The following ADAMTSL3 variants were observed in gnomAD, a reference collection of about 807,000 sequenced individuals.
ADAMTSL3 encodes the protein ADAMTS-like protein 3.
In ADAMTSL3, 128 loss-of-function variants were observed where a neutral mutation model predicts 201.7. The observed-to-expected ratio is 0.63, with a 90% CI of 0.55 to 0.73. ADAMTSL3 has a LOEUF of 0.73. Ranked by LOEUF, ADAMTSL3 falls within the 30% of genes least tolerant of loss-of-function variation. The pLI, the probability that ADAMTSL3 is intolerant of heterozygous loss-of-function variation, is 0.00. For missense variants in ADAMTSL3, 1,990 were observed against 2,119.6 expected, an observed-to-expected ratio of 0.94 and a Z score of 1.20; for synonymous variants, 738 against 748.4, an observed-to-expected ratio of 0.99 and a Z score of 0.23.
intron 21 of ADAMTSL3, among the ~76,000 whole-genome samples, chr15:83,984,456 T>G (rs1296320479): frequency 6.6e-6 from 1 of 152,206 alleles, no homozygotes; most frequent in Non-Finnish European, 1.5e-5. Flanking sequence ...ATGCTAGAAC[T>G]ATGAACACAA....
At chr15:83,723,563 A>T (rs964186332) in intron 3 of ADAMTSL3, among the ~76,000 whole-genome samples, 1 of 152,192 alleles carries the variant, frequency 6.6e-6, no homozygotes, top group Non-Finnish European at 1.5e-5. Context: ...ACCGTAGGGG[A>T]ATGGCCAAGT....
intron 4 of ADAMTSL3, among the ~76,000 whole-genome samples, chr15:83,800,116 G>A (rs570962087): frequency 6.7e-6 from 1 of 148,570 alleles, no homozygotes; most frequent in African/African-American, 2.6e-5. Flanking sequence ...AGGTGGTTGG[G>A]TTTAAAAATA....
At chr15:83,682,440 C>T (rs998004963) in intron 2 of ADAMTSL3, among the ~76,000 whole-genome samples, 19 of 152,280 alleles carry the variant, frequency 1.2e-4, no homozygotes, top group Non-Finnish European at 2.2e-4. Context: ...CTTTCTCTGT[C>T]GTATGTCACT....
intron 3 of ADAMTSL3, among the ~76,000 whole-genome samples, chr15:83,767,412 C>G (rs564931268): frequency 6.6e-6 from 1 of 152,232 alleles, no homozygotes; most frequent in Non-Finnish European, 1.5e-5. Context: ...TAACAACTTA[C>G]CATATAAAAT....
rs1276155287 is a variant in ADAMTSL3, at chr15:84,036,971, T to C, written c.4953T>C (p.Leu1651=). Reference sequence around the variant, plus strand: ...AACCAATTTCCTGGCGGCACTGTCTTGGGCCCTCCTGTGATAGTACGTACA... The same window carrying C: ...AACCAATTTCCTGGCGGCACTGTCTCGGGCCCTCCTGTGATAGTACGTACA... The part of the protein sequence containing the change: ...KKKPISWRHC[L]GPSCDRDCTD... Residue 1651 remains leucine (L), a synonymous_variant, in exon 29 of 30, where the codon CTT becomes CTC. Coordinates refer to ENST00000286744, the MANE Select transcript of ADAMTSL3 (RefSeq NM_207517.3). 1.2e-6 allele frequency: 2 copies of C among 1,613,888 alleles called. No homozygotes were observed. The highest frequency in any genetic ancestry group is 1.3e-5 in the African/African-American group (1 of 74,908).
chr15:83,718,593 C>T (rs1365743078), intron 3 of ADAMTSL3, among the ~76,000 whole-genome samples: 2 of 151,202 alleles, frequency 1.3e-5, no homozygotes, highest in African/African-American at 2.4e-5. Context: ...ATAATCCCAG[C>T]TACACAAGAA....
At position 83,872,627 on chromosome 15, in the gene ADAMTSL3, C is replaced by CACACACACAGAGAG. The variant is rs6145659; in HGVS notation, c.960+1669_960+1670insCACACACAGAGAGA. On this transcript the variant is annotated intron_variant, in intron 9 of 29. Transcript: ENST00000286744. Reference sequence around the variant, plus strand: ...ACACACACACACACACACACACACACAGAGTTTTTGTTCTCTTTTAATTAC... The same window carrying CACACACACAGAGAG: ...ACACACACACACACACACACACACACACACACACAGAGAGAGAGTTTTTGTTCTCTTTTAATTAC... 5.5e-3 allele frequency among the ~76,000 whole-genome samples: 770 copies of CACACACACAGAGAG among 140,940 alleles called. 5 individuals carry two copies. Among genetic ancestry groups the CACACACACAGAGAG allele is most frequent in the African/African-American group, 0.011 (410 of 35,966 alleles). The allele number at this position is 140,940 out of a possible 152,430, so 92.5% of individuals were successfully genotyped here.
chr15:83,804,142 CA>C (rs34434157), intron 4 of ADAMTSL3, among the ~76,000 whole-genome samples: 49,006 of 147,744 alleles, frequency 0.33, 8,289 homozygotes, highest in East Asian at 0.5. Context: ...GACTCTGTCT[CA>C]AAAAAAAAAG....
intron 13 of ADAMTSL3, 31 bp downstream of exon 13, chr15:83,892,919 A>G: frequency 6.3e-7 from 1 of 1,587,662 alleles, no homozygotes; most frequent in Non-Finnish European, 8.6e-7. Flanking sequence ...ACTTTTAATT[A>G]ATTCTCATAT....
intron 3 of ADAMTSL3, among the ~76,000 whole-genome samples, chr15:83,724,239 C>G (rs2062140923): frequency 6.6e-6 from 1 of 151,954 alleles, no homozygotes; most frequent in Non-Finnish European, 1.5e-5. Context: ...GCTGGGATTA[C>G]AGGCACACAC....
intron 9 of ADAMTSL3, among the ~76,000 whole-genome samples, chr15:83,873,088 T>A (rs2141833929): frequency 6.9e-6 from 1 of 145,160 alleles, no homozygotes; most frequent in South Asian, 2.1e-4. Flanking sequence ...GTGGATCACC[T>A]GAGGTCAGGA....
chr15:84,033,840 G>T (rs533459048), intron 28 of ADAMTSL3, among the ~76,000 whole-genome samples: 1 of 152,284 alleles, frequency 6.6e-6, no homozygotes, highest in East Asian at 1.9e-4. Context: ...GGCAGAAAAT[G>T]TAATACGGAA....
chr15:83,681,826 A>T (rs1487785817), intron 2 of ADAMTSL3, among the ~76,000 whole-genome samples: 1 of 152,162 alleles, frequency 6.6e-6, no homozygotes, highest in Admixed American at 6.5e-5. Flanking sequence ...TTCAGCTGCT[A>T]ACCCTCCATA....
At chr15:83,695,651 T>G (rs1567078797) in intron 2 of ADAMTSL3, among the ~76,000 whole-genome samples, 1 of 152,194 alleles carries the variant, frequency 6.6e-6, no homozygotes, top group Non-Finnish European at 1.5e-5. Context: ...ATATAATTAA[T>G]TGATGGTAAA....
In ADAMTSL3 at chr15:84,014,629, T is replaced by G; in HGVS notation, c.4061T>G (p.Leu1354Trp). 6.2e-7 allele frequency: 1 copy of G among 1,613,434 alleles called. No homozygotes were observed. The highest frequency in any genetic ancestry group is 8.5e-7 in the Non-Finnish European group (1 of 1,179,832). The change falls in exon 24 of 30, where the codon TTG (leucine) becomes TGG (tryptophan). Residue 1354 changes from leucine (L) to tryptophan (W), a missense_variant. Transcript: ENST00000286744. ...TTGCTTTTCAATGGATCCCTGTTGT[T>G]GCAGAATGTTTCCCTTGAAAATGAA... The part of the protein sequence containing the change: ...VSLLFNGSLL[L>W]QNVSLENEGT...
At chr15:83,827,228 T>C (rs2064044334) in intron 6 of ADAMTSL3, among the ~76,000 whole-genome samples, 2 of 152,214 alleles carry the variant, frequency 1.3e-5, no homozygotes, top group African/African-American at 2.4e-5. Context: ...TGGTATCTCA[T>C]TGTGGTTTTG....
At chr15:83,903,314 C>T (rs2065763946) in intron 15 of ADAMTSL3, among the ~76,000 whole-genome samples, 1 of 144,392 alleles carries the variant, frequency 6.9e-6, no homozygotes, top group Non-Finnish European at 1.5e-5. Flanking sequence ...TGAAAGTGTA[C>T]AGTTCAGTGG....
intron 23 of ADAMTSL3, among the ~76,000 whole-genome samples, chr15:83,995,405 A>G (rs2141845516): frequency 6.6e-6 from 1 of 152,356 alleles, no homozygotes; most frequent in African/African-American, 2.4e-5. Flanking sequence ...TTTGCCTGTC[A>G]GAAACCTATT....
chr15:83,901,588 A>G (rs1379261059), intron 15 of ADAMTSL3, among the ~76,000 whole-genome samples: 1 of 152,258 alleles, frequency 6.6e-6, no homozygotes, highest in East Asian at 1.9e-4. Flanking sequence ...GTACTAAAGA[A>G]GGAGCAAAGA....
Sources: allele counts gnomAD v4.1 joint callset (sites outside exome capture counted in the v4.1 genomes callset), GRCh38; gene constraint gnomAD v4.1.1; transcripts MANE v1.5; gene names NCBI Gene and HGNC (gene_info 2026-07-23, HGNC 2026-07-21).